The following LIPC variants were observed in gnomAD, a reference collection of about 807,000 sequenced individuals.
LIPC encodes the protein lipase C, hepatic type, also known as hepatic triacylglycerol lipase.
Under a neutral mutation model 50.7 loss-of-function variants are expected in LIPC, and 44 were observed. The ratio of observed to expected loss-of-function variants is 0.87; its 90% CI spans 0.68 to 1.11. The LOEUF is 1.11. Among genes scored for constraint, LIPC ranks in the 50% most tolerant of loss-of-function variants. The pLI is 0.00. For missense variants in LIPC, 697 were observed against 648.2 expected, an observed-to-expected ratio of 1.08 and a Z score of -0.82; for synonymous variants, 271 against 256.4, an observed-to-expected ratio of 1.06 and a Z score of -0.54.
chr15:58,472,288 A>G (rs1391129389), intron 1 of LIPC, among the ~76,000 whole-genome samples: 21 of 150,458 alleles, frequency 1.4e-4, no homozygotes, highest in African/African-American at 3.7e-4. Context: ...AAAAAAAAAA[A>G]AAAAAGAAAT....
intron 1 of LIPC, among the ~76,000 whole-genome samples, chr15:58,506,829 A>C (rs550926580): frequency 2.0e-4 from 30 of 152,320 alleles, no homozygotes; most frequent in African/African-American, 7.2e-4. Flanking sequence ...CATATTTGAG[A>C]AATACCCGAG....
intron 1 of LIPC, among the ~76,000 whole-genome samples, chr15:58,474,280 G>T (rs1380056161): frequency 6.6e-6 from 1 of 152,138 alleles, no homozygotes; most frequent in Non-Finnish European, 1.5e-5. Flanking sequence ...CACTTTGGGG[G>T]CCCAAGCAGG....
chr15:58,477,356 G>T (rs915268530), intron 1 of LIPC, among the ~76,000 whole-genome samples: 4 of 152,220 alleles, frequency 2.6e-5, no homozygotes, highest in Non-Finnish European at 4.4e-5. Context: ...CAGTTCCGGG[G>T]CTGGAGCCCA....
At chr15:58,472,815 G>A (rs1890857834) in intron 1 of LIPC, among the ~76,000 whole-genome samples, 1 of 152,114 alleles carries the variant, frequency 6.6e-6, no homozygotes, top group Non-Finnish European at 1.5e-5. Context: ...GGCCTTATGA[G>A]GTTTGCTAGT....
intron 1 of LIPC, among the ~76,000 whole-genome samples, chr15:58,516,748 T>C (rs1892499954): frequency 6.6e-6 from 1 of 152,262 alleles, no homozygotes; most frequent in South Asian, 2.1e-4. Flanking sequence ...AAATGAAATA[T>C]AGTTATAAGA....
At chr15:58,549,729 C>T (rs1231830458) in intron 6 of LIPC, among the ~76,000 whole-genome samples, 1 of 152,166 alleles carries the variant, frequency 6.6e-6, no homozygotes, top group African/African-American at 2.4e-5. Flanking sequence ...CTAGGAATGA[C>T]AGAAATTTCT....
At chr15:58,531,133 C>T (rs1307673270) in intron 1 of LIPC, among the ~76,000 whole-genome samples, 4 of 152,266 alleles carry the variant, frequency 2.6e-5, no homozygotes, top group South Asian at 2.1e-4. Context: ...GAGTTCTACC[C>T]GGTTTTGTCA....
intron 1 of LIPC, among the ~76,000 whole-genome samples, chr15:58,447,768 G>A (rs541875723): frequency 1.3e-5 from 2 of 152,146 alleles, no homozygotes; most frequent in African/African-American, 2.4e-5. Context: ...TCTGGGTGAC[G>A]CCAGTGCCAC....
intron 1 of LIPC, among the ~76,000 whole-genome samples, chr15:58,498,276 G>A (rs1185259129): frequency 1.4e-4 from 21 of 151,996 alleles, no homozygotes; most frequent in South Asian, 4.1e-4. Context: ...ACCCCACCTC[G>A]CAAGGATGTG....
chr15:58,433,577 C>T (rs1176584546), intron 1 of LIPC, among the ~76,000 whole-genome samples: 1 of 152,228 alleles, frequency 6.6e-6, no homozygotes, highest in Non-Finnish European at 1.5e-5. Flanking sequence ...ACTGCGGGAC[C>T]ATGCCACACT....
chr15:58,534,286 G>C (rs1415290764), intron 1 of LIPC, among the ~76,000 whole-genome samples: 1 of 152,198 alleles, frequency 6.6e-6, no homozygotes, highest in Non-Finnish European at 1.5e-5. Context: ...AAAGGTATGA[G>C]GGTGGGCACA....
intron 1 of LIPC, among the ~76,000 whole-genome samples, chr15:58,489,979 C>G (rs988532394): frequency 1.3e-5 from 2 of 151,882 alleles, no homozygotes; most frequent in Admixed American, 1.3e-4. Flanking sequence ...GGCAGTTTCA[C>G]TGTGACCTGC....
intron 1 of LIPC, among the ~76,000 whole-genome samples, chr15:58,518,079 C>A (rs1372061545): frequency 2.0e-5 from 3 of 152,214 alleles, no homozygotes; most frequent in African/African-American, 7.2e-5. Flanking sequence ...GATCACAGCA[C>A]ACTTAACATT....
chr15:58,444,779 T>C (rs1467254847), intron 1 of LIPC, among the ~76,000 whole-genome samples: 1 of 152,200 alleles, frequency 6.6e-6, no homozygotes, highest in Non-Finnish European at 1.5e-5. Context: ...AGAACTTCAA[T>C]GTATGAATTT....
intron 1 of LIPC, among the ~76,000 whole-genome samples, chr15:58,501,082 T>G (rs1159431380): frequency 6.6e-6 from 1 of 151,974 alleles, no homozygotes; most frequent in Non-Finnish European, 1.5e-5. Flanking sequence ...TCTGTTCTCC[T>G]TTCACTCCCT....
Position 58,550,958 on chromosome 15 carries a change from TCCTAA to T in LIPC, c.1051+2387_1051+2391del, listed in dbSNP as rs1212044719. Among the ~76,000 whole-genome samples, 6 of 145,870 alleles carry T rather than the reference TCCTAA, an allele frequency of 4.1e-5. No individual in the cohort carries two copies. The East Asian group carries it at 1.3e-3, about 31-fold the overall frequency. ...TTCAAGTGATTCTCCTGCCTCAGCC[TCCTAA>T]GTAGCTGGGATTACCAGCGTGCACC... On this transcript the variant is annotated intron_variant, in intron 6 of 8. Transcript: ENST00000299022.
intron 1 of LIPC, among the ~76,000 whole-genome samples, chr15:58,537,055 G>C (rs1038940924): frequency 6.6e-6 from 1 of 152,196 alleles, no homozygotes; most frequent in South Asian, 2.1e-4. Context: ...AGGTCAGAGC[G>C]GCCTTGTGTC....
intron 1 of LIPC, among the ~76,000 whole-genome samples, chr15:58,476,725 G>A (rs1185477931): frequency 2.0e-5 from 3 of 152,194 alleles, no homozygotes; most frequent in African/African-American, 7.2e-5. Flanking sequence ...GGACATCTTG[G>A]GCAAGCCATT....
At chr15:58,503,957 G>A (rs901888609) in intron 1 of LIPC, among the ~76,000 whole-genome samples, 2 of 152,076 alleles carry the variant, frequency 1.3e-5, no homozygotes, top group African/African-American at 2.4e-5. Flanking sequence ...TTCCTCAGAT[G>A]GACATTTTTC....
Sources: gnomAD v4.1 joint callset for allele counts (sites outside exome capture counted in the v4.1 genomes callset) on GRCh38, gnomAD v4.1.1 for gene constraint, MANE v1.5 for transcripts, NCBI Gene and HGNC (gene_info 2026-07-23, HGNC 2026-07-21) for gene names.